Variants in SRPK2 observed in about 807,000 individuals in gnomAD.
SRPK2 encodes the protein SFRS protein kinase 2.
Under a neutral mutation model 90.8 loss-of-function variants are expected in SRPK2, and 21 were observed. The observed-to-expected ratio is 0.23, with a 90% confidence interval of 0.16 to 0.33. SRPK2 has a LOEUF of 0.33. SRPK2 is among the 10% of genes least tolerant of loss of function. SRPK2 has a pLI of 1.00. For synonymous variants in SRPK2, 288 were observed against 311.1 expected (o/e 0.93, Z 0.78); for missense variants, 620 against 869.0 (o/e 0.71, Z 3.60).
chr7:105,211,544 A>C (rs183851362), intron 2 of SRPK2, among the ~76,000 whole-genome samples: 1 of 152,090 alleles, frequency 6.6e-6, no homozygotes, highest in South Asian at 2.1e-4. Flanking sequence ...ACAGTGTGGG[A>C]GCAGTAACAG....
At chr7:105,123,295 AAGGAG>A (rs1418570292) in intron 15 of SRPK2, among the ~76,000 whole-genome samples, 1 of 152,144 alleles carries the variant, frequency 6.6e-6, no homozygotes, top group African/African-American at 2.4e-5. Context: ...AATTATACGC[AAGGAG>A]AGGAGACAAA....
chr7:105,226,248 T>A (rs1190660044), intron 2 of SRPK2, among the ~76,000 whole-genome samples: 1 of 143,078 alleles, frequency 7.0e-6, no homozygotes, highest in African/African-American at 2.8e-5. Context: ...TTTTGCTTGA[T>A]TTTTTTTTTT....
intron 2 of SRPK2, among the ~76,000 whole-genome samples, chr7:105,345,667 T>C (rs1816369073): frequency 6.6e-6 from 1 of 152,210 alleles, no homozygotes; most frequent in Non-Finnish European, 1.5e-5. Context: ...TTCATATTTA[T>C]TTTACACATG....
intron 2 of SRPK2, among the ~76,000 whole-genome samples, chr7:105,302,752 C>A (rs931372618): frequency 2.0e-5 from 3 of 152,094 alleles, no homozygotes; most frequent in Non-Finnish European, 4.4e-5. Flanking sequence ...AATATAAAAA[C>A]AAATCTGCTA....
chr7:105,351,328 C>T (rs930276864), intron 2 of SRPK2, among the ~76,000 whole-genome samples: 16 of 151,912 alleles, frequency 1.1e-4, no homozygotes, highest in Non-Finnish European at 8.8e-5. Flanking sequence ...GAAATAAATT[C>T]CTTTTCTTTA....
intron 2 of SRPK2, among the ~76,000 whole-genome samples, chr7:105,336,335 T>G (rs1374812676): frequency 6.6e-6 from 1 of 152,208 alleles, no homozygotes; most frequent in Non-Finnish European, 1.5e-5. Context: ...TGACAGTATC[T>G]TCACTCAAAT....
intron 2 of SRPK2, among the ~76,000 whole-genome samples, chr7:105,212,850 G>T (rs1189578901): frequency 6.6e-6 from 1 of 152,142 alleles, no homozygotes; most frequent in African/African-American, 2.4e-5. Context: ...AACAACTATG[G>T]ATCCTAAACA....
intron 15 of SRPK2, among the ~76,000 whole-genome samples, chr7:105,125,142 A>AAG (rs1801005346): frequency 6.6e-6 from 1 of 151,710 alleles, no homozygotes; most frequent in Non-Finnish European, 1.5e-5. Flanking sequence ...AAAAAAAAAA[A>AAG]AAAAAAAGAA....
intron 2 of SRPK2, among the ~76,000 whole-genome samples, chr7:105,383,736 A>T (rs1821223766): frequency 6.6e-6 from 1 of 152,226 alleles, no homozygotes; most frequent in Non-Finnish European, 1.5e-5. Context: ...AAAAATTTTA[A>T]GGAACAATGG....
At chr7:105,356,103 T>C (rs999742177) in intron 2 of SRPK2, among the ~76,000 whole-genome samples, 1 of 152,300 alleles carries the variant, frequency 6.6e-6, no homozygotes, top group African/African-American at 2.4e-5. Context: ...TTCTAACTCT[T>C]GGCAAGGCTC....
At chr7:105,261,394 G>A (rs1422727440) in intron 2 of SRPK2, among the ~76,000 whole-genome samples, 6 of 151,894 alleles carry the variant, frequency 4.0e-5, no homozygotes, top group South Asian at 2.1e-4. Flanking sequence ...TGTGGCGGGC[G>A]CCTGTAGTCC....
intron 2 of SRPK2, among the ~76,000 whole-genome samples, chr7:105,241,003 T>C (rs1800745806): frequency 1.3e-5 from 2 of 152,148 alleles, no homozygotes; most frequent in African/African-American, 4.8e-5. Flanking sequence ...AGGGAAGGGA[T>C]TGAAAGCAAA....
At chr7:105,291,275 A>G (rs1442366261) in intron 2 of SRPK2, among the ~76,000 whole-genome samples, 1 of 152,220 alleles carries the variant, frequency 6.6e-6, no homozygotes, top group Non-Finnish European at 1.5e-5. Flanking sequence ...GGGCAGAAAT[A>G]AAATGAGGTA....
Position 105,117,835 on chromosome 7 carries a change from T to G in SRPK2, c.*3A>C, listed in dbSNP as rs748252519. 1 of 1,612,318 alleles carries G rather than the reference T, an allele frequency of 6.2e-7. No individual in the cohort carries two copies. The highest frequency in any genetic ancestry group is 1.1e-5 in the South Asian group (1 of 91,004). The stretch of plus-strand genomic sequence containing the variant: ...GCTCAGAATGCAATATTGGTAGAAT[T>G]TGCTAAGAATTCAACCAAGGATGCC... On this transcript the variant is annotated 3_prime_UTR_variant, in exon 16 of 16. Coordinates refer to ENST00000393651, the MANE Select transcript of SRPK2 (RefSeq NM_182692.3).
intron 2 of SRPK2, among the ~76,000 whole-genome samples, chr7:105,260,267 A>C (rs1160022767): frequency 6.6e-6 from 1 of 152,250 alleles, no homozygotes; most frequent in East Asian, 1.9e-4. Flanking sequence ...ATGCAGCCAG[A>C]AGACACATGA....
intron 4 of SRPK2, 107 bp downstream of exon 4, chr7:105,169,050 C>T: frequency 4.3e-6 from 4 of 936,862 alleles, no homozygotes. Flanking sequence ...GTGCTAAGCA[C>T]TTCACATACC....
At chr7:105,150,449 G>C (rs1419933254) in intron 7 of SRPK2, among the ~76,000 whole-genome samples, 2 of 152,206 alleles carry the variant, frequency 1.3e-5, no homozygotes, top group Non-Finnish European at 2.9e-5. Flanking sequence ...GCACAAGGCG[G>C]AGGTCACAGT....
intron 2 of SRPK2, among the ~76,000 whole-genome samples, chr7:105,261,429 G>A (rs1257868822): frequency 6.6e-6 from 1 of 152,012 alleles, no homozygotes. Context: ...GCTGAGGCAG[G>A]AGAATGGCGT....
At chr7:105,165,015 G>A (rs925844930) in intron 6 of SRPK2, among the ~76,000 whole-genome samples, 2 of 152,122 alleles carry the variant, frequency 1.3e-5, no homozygotes, top group Non-Finnish European at 2.9e-5. Flanking sequence ...GGCACACAAA[G>A]GGCTATCTCA....
Sources: allele counts gnomAD v4.1 joint callset (sites outside exome capture counted in the v4.1 genomes callset), GRCh38; gene constraint gnomAD v4.1.1; transcripts MANE v1.5; gene names NCBI Gene and HGNC (gene_info 2026-07-23, HGNC 2026-07-21).